The following PGM5 variants were observed in gnomAD, a reference collection of about 807,000 sequenced individuals.
PGM5 encodes phosphoglucomutase-like protein 5.
Under a neutral mutation model 59.2 loss-of-function variants are expected in PGM5, and 23 were observed. The observed-to-expected ratio is 0.39, with a 90% confidence interval of 0.28 to 0.55. The LOEUF (loss-of-function observed/expected upper bound fraction) is 0.55. PGM5 is among the 20% of genes least tolerant of loss of function. The pLI is 0.66. For missense variants in PGM5, 574 were observed against 748.3 expected, an observed-to-expected ratio of 0.77 and a Z score of 2.72; for synonymous variants, 214 against 286.0, an observed-to-expected ratio of 0.75 and a Z score of 2.54.
intron 9 of PGM5, among the ~76,000 whole-genome samples, chr9:68,493,463 A>G (rs1045134492): frequency 2.0e-5 from 3 of 152,238 alleles, no homozygotes; most frequent in African/African-American, 7.2e-5. Context: ...TTGTAAGCCT[A>G]GAGTCAGAAG....
intron 1 of PGM5, among the ~76,000 whole-genome samples, chr9:68,377,630 T>A (rs1345034065): frequency 6.6e-6 from 1 of 152,180 alleles, no homozygotes; most frequent in Admixed American, 6.5e-5. Flanking sequence ...ACTGGGTAAT[T>A]TCTCCAATGT....
chr9:68,386,618 A>G (rs1369425413), intron 3 of PGM5, among the ~76,000 whole-genome samples: 1 of 152,080 alleles, frequency 6.6e-6, no homozygotes, highest in Non-Finnish European at 1.5e-5. Context: ...AAAAATCTGA[A>G]AACAATATAC....
chr9:68,478,976 A>G (rs1406045839), intron 7 of PGM5, among the ~76,000 whole-genome samples: 1 of 152,076 alleles, frequency 6.6e-6, no homozygotes, highest in African/African-American at 2.4e-5. Context: ...ACTTGTCCTT[A>G]TTTGATGCAT....
At chr9:68,424,509 G>C (rs183839124) in intron 6 of PGM5, among the ~76,000 whole-genome samples, 1 of 152,010 alleles carries the variant, frequency 6.6e-6, no homozygotes, top group Non-Finnish European at 1.5e-5. Flanking sequence ...ACCCCCAAAA[G>C]GTCCCACCTC....
At chr9:68,361,721 G>T (rs1478630440) in intron 1 of PGM5, among the ~76,000 whole-genome samples, 2 of 152,108 alleles carry the variant, frequency 1.3e-5, no homozygotes, top group Admixed American at 1.3e-4. Flanking sequence ...CCGCCTAAAG[G>T]CCCCACCTTT....
At chr9:68,444,777 T>C (rs1386586388) in intron 6 of PGM5, among the ~76,000 whole-genome samples, 5 of 152,188 alleles carry the variant, frequency 3.3e-5, no homozygotes, top group African/African-American at 1.2e-4. Context: ...CAGATCACCA[T>C]GGTGGGTTAT....
intron 10 of PGM5, among the ~76,000 whole-genome samples, chr9:68,513,985 A>G (rs1427935837): frequency 6.6e-6 from 1 of 152,240 alleles, no homozygotes. Context: ...AAAAGAAAGT[A>G]CTTTTACACT....
chr9:68,471,461 A>C (rs889277045), intron 7 of PGM5, among the ~76,000 whole-genome samples: 2 of 152,220 alleles, frequency 1.3e-5, no homozygotes, highest in East Asian at 3.9e-4. Flanking sequence ...CTTAAAAGCC[A>C]CTGGAGAGAT....
intron 6 of PGM5, among the ~76,000 whole-genome samples, chr9:68,414,945 T>G (rs1403313144): frequency 6.8e-6 from 1 of 147,896 alleles, no homozygotes; most frequent in Non-Finnish European, 1.5e-5. Context: ...CTGACAGTCA[T>G]GATCATTATG....
intron 6 of PGM5, among the ~76,000 whole-genome samples, chr9:68,422,319 G>A (rs1823144743): frequency 6.6e-6 from 1 of 152,166 alleles, no homozygotes; most frequent in African/African-American, 2.4e-5. Context: ...TATTCATGTT[G>A]AGTTATATTA....
chr9:68,427,986 T>C (rs544404987), intron 6 of PGM5, among the ~76,000 whole-genome samples: 4 of 152,262 alleles, frequency 2.6e-5, no homozygotes, highest in Non-Finnish European at 5.9e-5. Flanking sequence ...AGACTTGGAG[T>C]TCTCTTTATG....
chr9:68,440,763 TG>T (rs1823513166), intron 6 of PGM5, among the ~76,000 whole-genome samples: 1 of 151,822 alleles, frequency 6.6e-6, no homozygotes, highest in Non-Finnish European at 1.5e-5. Flanking sequence ...ACTTTAATAA[TG>T]TAGAGAAAAG....
At chr9:68,504,960 T>C (rs1215475658) in intron 10 of PGM5, among the ~76,000 whole-genome samples, 1 of 152,220 alleles carries the variant, frequency 6.6e-6, no homozygotes, top group East Asian at 1.9e-4. Flanking sequence ...ATCATCAGGT[T>C]TCCTCCTATG....
At chr9:68,512,122 A>G (rs1433673545) in intron 10 of PGM5, among the ~76,000 whole-genome samples, 1 of 152,208 alleles carries the variant, frequency 6.6e-6, no homozygotes, top group Non-Finnish European at 1.5e-5. Flanking sequence ...ATTTCATTTC[A>G]TCCAAATAAT....
In PGM5 at chr9:68,415,266, T is replaced by G. The variant is rs1336828213; in HGVS notation, c.1043+22793T>G. Among the ~76,000 whole-genome samples, 11 of 149,398 alleles carry G rather than the reference T, an allele frequency of 7.4e-5. 2 individuals are homozygous for G. The highest frequency in any genetic ancestry group is 2.8e-4 in the African/African-American group (11 of 38,794). ...GAAGACCTAGAGAACTGGGCAGAGC[T>G]CTGGGCAGTGTGGGATCTGCCCACA... On this transcript the variant is annotated intron_variant, in intron 6 of 10. Coordinates refer to ENST00000396396, the MANE Select transcript of PGM5 (RefSeq NM_021965.4).
At chr9:68,456,556 T>C (rs1341962330) in intron 6 of PGM5, among the ~76,000 whole-genome samples, 1 of 150,810 alleles carries the variant, frequency 6.6e-6, no homozygotes, top group Non-Finnish European at 1.5e-5. Flanking sequence ...CCTGACGTCA[T>C]GAGCCGCCCG....
intron 6 of PGM5, among the ~76,000 whole-genome samples, chr9:68,444,062 CTTTT>C (rs71920005): frequency 3.8e-5 from 5 of 131,618 alleles, no homozygotes; most frequent in Non-Finnish European, 6.6e-5. Flanking sequence ...TTCTTTCTTT[CTTTT>C]TTTTTTTTTT....
rs1394586303 is a variant in PGM5, at chr9:68,357,021, G to C, written c.-107G>C. 1.1e-5 allele frequency: 13 copies of C among 1,177,196 alleles called. No homozygotes were observed. In the Admixed American group the frequency reaches 1.9e-4, roughly 18 times the overall value. 72.9% of individuals were successfully genotyped at this position (1,177,196 alleles called of 1,614,324 possible). A position where few individuals can be genotyped will look rare whatever the true frequency, so the allele number is the denominator to read the frequency against. On this transcript the variant is annotated 5_prime_UTR_variant, in exon 1 of 11. Transcript: ENST00000396396. ...CGCCGACCTGCTGGAGAGGGGGCCC[G>C]GGCGCGAGGCGGAGTCCCGGCGCGC... is the stretch of plus-strand genomic sequence containing the variant.
intron 9 of PGM5, 65 bp downstream of exon 9, chr9:68,484,113 C>G (rs1554687377): frequency 7.2e-7 from 1 of 1,382,164 alleles, no homozygotes; most frequent in African/African-American, 1.4e-5. Flanking sequence ...TGTCCTAGAA[C>G]TGGAGAGGTC....
Sources: allele counts gnomAD v4.1 joint callset (sites outside exome capture counted in the v4.1 genomes callset), GRCh38; gene constraint gnomAD v4.1.1; transcripts MANE v1.5; gene names NCBI Gene and HGNC (gene_info 2026-07-23, HGNC 2026-07-21).